Variants in NFE2L2 observed in about 807,000 individuals in gnomAD.
The protein encoded by NFE2L2 is nuclear factor erythroid 2-related factor 2.
In NFE2L2, 20 loss-of-function variants were observed where a neutral mutation model predicts 49.6. That is an observed-to-expected ratio of 0.40 (90% confidence interval 0.28 to 0.59). The LOEUF (loss-of-function observed/expected upper bound fraction) is 0.59. Among genes scored for constraint, NFE2L2 ranks in the 20% least tolerant of loss-of-function variants. NFE2L2 has a pLI of 0.40. For synonymous variants in NFE2L2, 244 were observed against 256.5 expected (o/e 0.95, Z 0.47); for missense variants, 578 against 714.2 (o/e 0.81, Z 2.17).
chr2:177,237,832 T>C (rs1689804915), intron 1 of NFE2L2, among the ~76,000 whole-genome samples: 1 of 152,170 alleles, frequency 6.6e-6, no homozygotes, highest in Non-Finnish European at 1.5e-5. Flanking sequence ...AAACCTACTT[T>C]AAAATTCTGA....
Position 177,232,492 on chromosome 2 carries a change from G to A in NFE2L2, c.494C>T (p.Pro165Leu), listed in dbSNP as rs766280773. The A allele has an allele frequency of 2.5e-6, 4 of 1,614,116 alleles. No homozygotes were observed. Among genetic ancestry groups the A allele is most frequent in the Non-Finnish European group, 3.4e-6 (4 of 1,179,982 alleles). ...VFIATNQAQS[P>L]ETSVAQVAPV... ...GGCTACCTGAGCAACAGAAGTTTCA[G>A]GTGACTGAGCCTGATTAGTAGCAAT... Residue 165 changes from proline to leucine, a missense_variant, in exon 4 of 5, where the codon CCT becomes CTT. By Grantham distance (98) the Pro-to-Leu change is moderately conservative (BLOSUM62 -3). Transcript: ENST00000397062.
At position 177,231,329 on chromosome 2, in the gene NFE2L2, G is replaced by T. The variant is rs766678908; in HGVS notation, c.1274C>A (p.Thr425Lys). Residue 425 changes from threonine to lysine, a missense_variant, in exon 5 of 5, where the codon ACA becomes AAA. By Grantham distance (78) the Thr-to-Lys change is moderately conservative (BLOSUM62 -1). Transcript: ENST00000397062. Reference protein sequence around the residue: ...THVHDAQCENTPEKELPVSPG... With the variant: ...THVHDAQCENKPEKELPVSPG... ...ACTTACAGGCAATTCTTTCTCTGGT[G>T]TGTTCTCACATTGGGCATCATGCAC... 12 of 1,614,260 alleles carry T rather than the reference G, an allele frequency of 7.4e-6. No individual in the cohort carries two copies. The highest frequency in any genetic ancestry group is 1.0e-5 in the Non-Finnish European group (12 of 1,180,050).
chr2:177,232,299 C>G, intron 4 of NFE2L2, 93 bp downstream of exon 4: 1 of 1,251,842 alleles, frequency 8.0e-7, no homozygotes, highest in Non-Finnish European at 1.1e-6. Flanking sequence ...ACCCTCCAAT[C>G]CTTCCTATAA....
chr2:177,241,010 C>G (rs545170737), intron 1 of NFE2L2, among the ~76,000 whole-genome samples: 1 of 152,252 alleles, frequency 6.6e-6, no homozygotes, highest in African/African-American at 2.4e-5. Context: ...CCTCTCCTAC[C>G]CTCTATCTTG....
At chr2:177,239,039 C>G (rs889548627) in intron 1 of NFE2L2, among the ~76,000 whole-genome samples, 9 of 152,262 alleles carry the variant, frequency 5.9e-5, no homozygotes, top group East Asian at 5.8e-4. Context: ...CTGTGAGTAC[C>G]CTTCAATGGA....
intron 1 of NFE2L2, among the ~76,000 whole-genome samples, chr2:177,260,508 A>G (rs539707658): frequency 2.0e-5 from 3 of 152,352 alleles, no homozygotes; most frequent in Admixed American, 6.5e-5. Flanking sequence ...CAACTAGATA[A>G]GAGTTGAGCC....
intron 1 of NFE2L2, among the ~76,000 whole-genome samples, chr2:177,235,895 C>T (rs1055004123): frequency 6.6e-6 from 1 of 152,156 alleles, no homozygotes; most frequent in African/African-American, 2.4e-5. Flanking sequence ...CCAGATTTTC[C>T]TAACCAAAAA....
At chr2:177,260,866 A>G (rs1260965596) in intron 1 of NFE2L2, among the ~76,000 whole-genome samples, 1 of 152,178 alleles carries the variant, frequency 6.6e-6, no homozygotes, top group Non-Finnish European at 1.5e-5. Context: ...GAAATTTTTA[A>G]AACTATTATT....
intron 1 of NFE2L2, among the ~76,000 whole-genome samples, chr2:177,261,235 T>C (rs1690727243): frequency 6.6e-6 from 1 of 150,988 alleles, no homozygotes; most frequent in African/African-American, 2.4e-5. Flanking sequence ...CACCGAGGCC[T>C]CTGTGTCTTC....
In NFE2L2 at chr2:177,264,549, C is replaced by A; in HGVS notation, c.28G>T (p.Gly10Ter). The A allele has an allele frequency of 1.3e-6, 2 of 1,521,576 alleles. No individual in the cohort carries two copies. Among genetic ancestry groups the A allele is most frequent in the Admixed American group, 2.1e-5 (1 of 48,154 alleles). The allele number at this position is 1,521,576 out of a possible 1,614,324, so 94.3% of individuals were successfully genotyped here. The change falls in exon 1 of 5, where the codon GGA becomes TGA. Residue 10 changes from glycine (G) to a stop codon, truncating the protein, a stop_gained. Coordinates refer to ENST00000397062, the MANE Select transcript of NFE2L2 (RefSeq NM_006164.5). LOFTEE classifies it high-confidence loss of function. The stretch of plus-strand genomic sequence containing the variant: ...GGCAGCACCTGCTGGGACGGGAGTC[C>A]CGGCGGCGGCAGCTCCAAGTCCATC... MMDLELPPP[G>*]LPSQQDMDLI...
At chr2:177,263,687 G>A (rs988321420) in intron 1 of NFE2L2, 11 of 985,496 alleles carry the variant, frequency 1.1e-5, no homozygotes, top group African/African-American at 8.7e-5. Context: ...TAGAAGCCCC[G>A]GGTGCCGCCG....
chr2:177,237,542 G>A (rs1396770963), intron 1 of NFE2L2, among the ~76,000 whole-genome samples: 4 of 151,572 alleles, frequency 2.6e-5, no homozygotes, highest in South Asian at 2.1e-4. Flanking sequence ...TTTTTGAGAC[G>A]GAGTCTCGCT....
intron 1 of NFE2L2, 80 bp downstream of exon 1, chr2:177,264,452 G>A: frequency 1.4e-6 from 2 of 1,423,296 alleles, no homozygotes; most frequent in Non-Finnish European, 1.9e-6. Context: ...GGTTGCGGCT[G>A]TCCCTCCCGG....
In NFE2L2 at chr2:177,231,769, G is replaced by A. The variant is rs2105453728; in HGVS notation, c.834C>T (p.Asn278=). The A allele has an allele frequency of 6.2e-7, 1 of 1,614,240 alleles. No homozygotes were observed. The highest frequency in any genetic ancestry group is 8.5e-7 in the Non-Finnish European group (1 of 1,180,038). ...AATAAAATTCATCACCAAAATCTGT[G>A]TTGACTGTGGCATCTGAATTTAATG... ...VNSLNSDATV[N]TDFGDEFYSA... The change falls in exon 5 of 5, where the codon AAC becomes AAT. Residue 278 remains asparagine, a synonymous_variant. Transcript: ENST00000397062.
intron 1 of NFE2L2, among the ~76,000 whole-genome samples, chr2:177,257,189 G>C (rs1387952633): frequency 6.6e-6 from 1 of 152,198 alleles, no homozygotes; most frequent in Non-Finnish European, 1.5e-5. Context: ...ATGAGGCCCA[G>C]GAACACAGCT....
At chr2:177,235,514 A>G (rs1190001244) in intron 1 of NFE2L2, among the ~76,000 whole-genome samples, 1 of 152,094 alleles carries the variant, frequency 6.6e-6, no homozygotes, top group African/African-American at 2.4e-5. Context: ...CATAGGAAGA[A>G]TCTTACAAAG....
rs560079272 is a variant in NFE2L2, at chr2:177,234,987, G to A, written c.46-716C>T. On this transcript the variant is annotated intron_variant, in intron 1 of 4. Coordinates refer to ENST00000397062, the MANE Select transcript of NFE2L2 (RefSeq NM_006164.5). The stretch of plus-strand genomic sequence containing the variant: ...AAAAATCAGCCGGGTGTGGTGGTAC[G>A]TGCCTGTAATCCCAGCTACTCAGGA... 1.6e-3 allele frequency among the ~76,000 whole-genome samples: 247 copies of A among 152,126 alleles called. 2 individuals carry two copies. The highest frequency in any genetic ancestry group is 4.9e-3 in the African/African-American group (202 of 41,514).
chr2:177,248,367 A>G (rs1690208541), intron 1 of NFE2L2, among the ~76,000 whole-genome samples: 1 of 152,206 alleles, frequency 6.6e-6, no homozygotes. Context: ...TTAATGGCCT[A>G]TGAAATTGTT....
chr2:177,252,659 A>G (rs1333350348), intron 1 of NFE2L2, among the ~76,000 whole-genome samples: 1 of 2,644 alleles, frequency 3.8e-4, no homozygotes, highest in African/African-American at 4.5e-4. Flanking sequence ...GTGGATGAGT[A>G]TTTTTAAAGC....
Sources: gnomAD v4.1 joint callset for allele counts (sites outside exome capture counted in the v4.1 genomes callset) on GRCh38, gnomAD v4.1.1 for gene constraint, MANE v1.5 for transcripts, NCBI Gene and HGNC (gene_info 2026-07-23, HGNC 2026-07-21) for gene names.